Variants in SRPRB observed in about 807,000 individuals in gnomAD.
The protein encoded by SRPRB is SRP receptor subunit beta, also known as signal recognition particle receptor subunit beta.
SRPRB carries 20 observed loss-of-function variants against 31.9 expected under a neutral mutation model. That is an observed-to-expected ratio of 0.63 (90% CI 0.44 to 0.91). The LOEUF (loss-of-function observed/expected upper bound fraction) is 0.91. SRPRB is among the 40% of genes least tolerant of loss of function. SRPRB has a pLI of 0.00. For missense variants in SRPRB, 321 were observed against 324.9 expected (o/e 0.99, Z 0.09); for synonymous variants, 146 against 132.8 (o/e 1.10, Z -0.68).
chr3:133,828,424 T>G, downstream of SRPRB: 1 of 367,752 alleles, frequency 2.7e-6, no homozygotes, highest in South Asian at 3.1e-5. Flanking sequence ...TCTCTATAAG[T>G]TTACAAATAT....
rs1935438746 is a variant in SRPRB at position 133,819,841 on chromosome 3, G to A, written c.*75G>A. ...AAAAGGTCTGTGGTAGTCTGGAGTT[G>A]ATGAGGAAGGGGTACAAGATGTGGT... On this transcript the variant is annotated 3_prime_UTR_variant, in exon 7 of 7. Coordinates refer to ENST00000678299, the MANE Select transcript of SRPRB (RefSeq NM_001379313.1). The A allele has an allele frequency of 1.5e-6, 2 of 1,306,850 alleles. No homozygotes were observed. The highest frequency in any genetic ancestry group is 2.3e-4 in the Middle Eastern group (1 of 4,324). 81.0% of individuals were successfully genotyped at this position (1,306,850 alleles called of 1,614,324 possible). A position where few individuals can be genotyped will look rare whatever the true frequency, so the allele number is the denominator to read the frequency against.
At chr3:133,822,757 C>G (rs1935495396), downstream of SRPRB, among the ~76,000 whole-genome samples, 2 of 152,194 alleles carry the variant, frequency 1.3e-5, no homozygotes, top group South Asian at 2.1e-4. Flanking sequence ...CATGCCTGTC[C>G]TCACCTGAAG....
intron 6 of SRPRB, among the ~76,000 whole-genome samples, chr3:133,817,180 C>T (rs965854505): frequency 6.6e-6 from 1 of 152,070 alleles, no homozygotes; most frequent in South Asian, 2.1e-4. Context: ...ATTTATTTTA[C>T]CATTGTTACT....
downstream of SRPRB, chr3:133,825,030 G>A (rs1935535305): frequency 2.6e-5 from 4 of 152,176 alleles, no homozygotes; most frequent in Admixed American, 2.6e-4. Flanking sequence ...AGGTGACAAT[G>A]CCTCACATTC....
At chr3:133,828,118 C>T (rs1306777755), downstream of SRPRB, 2 of 634,676 alleles carry the variant, frequency 3.2e-6, no homozygotes, top group Non-Finnish European at 5.7e-6. Flanking sequence ...CCTCTGGGGG[C>T]TGCTGCCGGG....
chr3:133,819,357 C>CT (rs1935424763), intron 6 of SRPRB, among the ~76,000 whole-genome samples, 196 bp from the exon 7 acceptor site: 1 of 149,604 alleles, frequency 6.7e-6, no homozygotes, highest in Admixed American at 6.7e-5. Context: ...CTGACCCCCC[C>CT]AGCCCGCCCC....
At chr3:133,792,344 A>G (rs992584868) in intron 1 of SRPRB, 5 of 152,274 alleles carry the variant, frequency 3.3e-5, no homozygotes. Flanking sequence ...AAGTCATGAA[A>G]TAATTTACAA....
chr3:133,807,843 T>C lies in SRPRB; in HGVS notation c.327+20T>C. ...AACAGGGTAAGATGTTTGTGGAGTT[T>C]TGGAGTCTGACAGTCTTACTTTACT... is the stretch of plus-strand genomic sequence containing the variant. On this transcript the variant is annotated intron_variant, in intron 3 of 6. Coordinates refer to ENST00000678299, the MANE Select transcript of SRPRB (RefSeq NM_001379313.1). 1.9e-6 allele frequency: 3 copies of C among 1,590,128 alleles called. No homozygotes were observed. The highest frequency in any genetic ancestry group is 2.3e-5 in the East Asian group (1 of 44,358).
chr3:133,805,622 A>G (rs1935136508), upstream of SRPRB: 4 of 426,568 alleles, frequency 9.4e-6, no homozygotes, highest in Non-Finnish European at 1.6e-5. Context: ...CTCATCTCTT[A>G]AAAGATGTGT....
downstream of SRPRB, chr3:133,828,401 G>A (rs2293374): frequency 0.16 from 55,806 of 355,268 alleles, 5,841 homozygotes; most frequent in East Asian, 0.4. Context: ...AGGAGGAGGT[G>A]TGTGGAAAAG....
intron 1 of SRPRB, chr3:133,796,509 A>C (rs980484835): frequency 3.9e-5 from 6 of 152,244 alleles, no homozygotes; most frequent in African/African-American, 1.4e-4. Flanking sequence ...CTGAGTAACC[A>C]ATGGAAACCT....
At chr3:133,806,343 T>G (rs568219171) in intron 1 of SRPRB, among the ~76,000 whole-genome samples, 1 of 152,334 alleles carries the variant, frequency 6.6e-6, no homozygotes, top group South Asian at 2.1e-4. Flanking sequence ...CCTCCCGTGT[T>G]TGCGTGCGGG....
upstream of SRPRB, among the ~76,000 whole-genome samples, chr3:133,801,742 G>A (rs1935065574): frequency 6.6e-6 from 1 of 152,208 alleles, no homozygotes; most frequent in African/African-American, 2.4e-5. Context: ...TGTGTTTTGG[G>A]TGGTGAATAC....
intron 6 of SRPRB, among the ~76,000 whole-genome samples, chr3:133,818,451 G>A (rs962841813): frequency 5.9e-5 from 9 of 152,082 alleles, no homozygotes; most frequent in Admixed American, 2.0e-4. Context: ...GTTAAAATTC[G>A]GAATCTGACT....
Position 133,819,892 on chromosome 3 carries a change from C to G in SRPRB, c.*126C>G. ...TAGAAACATTTCTTTGTTCTGGAAACAAAGTACTGTTGAAACCAGCTTGGA... is the reference window on the plus strand; with the variant it reads ...TAGAAACATTTCTTTGTTCTGGAAAGAAAGTACTGTTGAAACCAGCTTGGA... On this transcript the variant is annotated 3_prime_UTR_variant, in exon 7 of 7. Coordinates refer to ENST00000678299, the MANE Select transcript of SRPRB (RefSeq NM_001379313.1). The G allele has an allele frequency of 1.3e-6, 1 of 775,430 alleles. No individual in the cohort carries two copies. The highest frequency in any genetic ancestry group is 2.8e-5 in the Admixed American group (1 of 35,722). The allele number at this position is 775,430 out of a possible 1,614,324, so 48.0% of individuals were successfully genotyped here. A position where few individuals can be genotyped will look rare whatever the true frequency, so the allele number is the denominator to read the frequency against.
chr3:133,795,978 C>T (rs9813689), intron 1 of SRPRB: 40,150 of 151,974 alleles, frequency 0.26, 6,360 homozygotes, highest in East Asian at 0.46. Context: ...AACGGAGTCA[C>T]GTATGCCAAG....
intron 1 of SRPRB, among the ~76,000 whole-genome samples, chr3:133,798,704 C>T (rs1935017321): frequency 6.6e-6 from 1 of 152,056 alleles, no homozygotes; most frequent in Non-Finnish European, 1.5e-5. Flanking sequence ...AAGCATGACA[C>T]ATAAAATTGC....
upstream of SRPRB, among the ~76,000 whole-genome samples, chr3:133,802,885 T>C (rs184610315): frequency 2.6e-5 from 4 of 152,320 alleles, no homozygotes; most frequent in African/African-American, 4.8e-5. Flanking sequence ...TACTCTTACG[T>C]TGGATCCACA....
At chr3:133,817,610 G>T (rs139621868) in intron 6 of SRPRB, among the ~76,000 whole-genome samples, 207 of 152,312 alleles carry the variant, frequency 1.4e-3, no homozygotes, top group African/African-American at 4.8e-3. Context: ...AAAAGCTGGT[G>T]TAGAAGAAAT....
Sources: allele counts gnomAD v4.1 joint callset (sites outside exome capture counted in the v4.1 genomes callset), GRCh38; gene constraint gnomAD v4.1.1; transcripts MANE v1.5; gene names NCBI Gene and HGNC (gene_info 2026-07-23, HGNC 2026-07-21).